Variants in WWP2 observed in about 807,000 individuals in gnomAD.
WWP2 encodes NEDD4-like E3 ubiquitin-protein ligase WWP2.
In WWP2, 57 loss-of-function variants were observed where a neutral mutation model predicts 121.0. The ratio of observed to expected loss-of-function variants is 0.47; its 90% CI spans 0.38 to 0.59. The LOEUF is 0.59. Among genes scored for constraint, WWP2 ranks in the 20% least tolerant of loss-of-function variants. WWP2 has a pLI of 0.00. For missense variants in WWP2, 962 were observed against 1,158.9 expected, an observed-to-expected ratio of 0.83 and a Z score of 2.47; for synonymous variants, 449 against 441.3, an observed-to-expected ratio of 1.02 and a Z score of -0.22.
At chr16:69,812,477 C>CT (rs1178666410) in intron 4 of WWP2, among the ~76,000 whole-genome samples, 89 of 119,580 alleles carry the variant, frequency 7.4e-4, no homozygotes, top group South Asian at 4.9e-3. Flanking sequence ...AACCCCCCCC[C>CT]TTTTTTTTTT....
At chr16:69,906,460 G>A (rs1465877787) in intron 8 of WWP2, among the ~76,000 whole-genome samples, 1 of 152,200 alleles carries the variant, frequency 6.6e-6, no homozygotes, top group African/African-American at 2.4e-5. Flanking sequence ...AAGTGGCAGT[G>A]AGTACAGGTA....
chr16:69,793,115 G>A (rs536511982), intron 2 of WWP2, among the ~76,000 whole-genome samples: 1 of 152,230 alleles, frequency 6.6e-6, no homozygotes, highest in East Asian at 1.9e-4. Flanking sequence ...GAGCACTTTG[G>A]GAGGCCTAGG....
At chr16:69,908,118 G>A (rs1035270271) in intron 8 of WWP2, among the ~76,000 whole-genome samples, 1 of 152,140 alleles carries the variant, frequency 6.6e-6, no homozygotes, top group African/African-American at 2.4e-5. Flanking sequence ...CGTAATGTGT[G>A]CCTGTAGTCC....
chr16:69,808,296 A>C (rs2151827209), intron 4 of WWP2, among the ~76,000 whole-genome samples: 1 of 149,386 alleles, frequency 6.7e-6, no homozygotes, highest in Admixed American at 6.7e-5. Context: ...TAGAGATGGG[A>C]TCTCGCTATA....
chr16:69,771,705 G>GT (rs1200819432), intron 1 of WWP2, among the ~76,000 whole-genome samples: 1 of 152,094 alleles, frequency 6.6e-6, no homozygotes, highest in Non-Finnish European at 1.5e-5. Context: ...CTCTCTGTTT[G>GT]TTTTTATATC....
chr16:69,937,545 C>T lies in WWP2; in HGVS notation c.2239-3C>T, dbSNP rs747632450. 4.3e-5 allele frequency: 70 copies of T among 1,613,838 alleles called. No homozygotes were observed. The stretch of plus-strand genomic sequence containing the variant: ...GGGGATGCTGACTGCCGCCTCTCCC[C>T]AGCTGATGCTGTGCGGCATGCAGGA... On this transcript the variant is annotated splice_region_variant and splice_polypyrimidine_tract_variant and intron_variant, in intron 20 of 23. Transcript: ENST00000359154. This position sits in a 1 kb window ranked among gnomAD's most constrained non-coding sequence, Gnocchi z 6.6.
At chr16:69,834,384 A>C (rs1024458346) in intron 4 of WWP2, among the ~76,000 whole-genome samples, 1 of 151,788 alleles carries the variant, frequency 6.6e-6, no homozygotes, top group African/African-American at 2.4e-5. Context: ...TCTTTGCTCA[A>C]TTGTCACCTT....
At chr16:69,802,507 G>A (rs137868855) in intron 4 of WWP2, among the ~76,000 whole-genome samples, 1 of 152,010 alleles carries the variant, frequency 6.6e-6, no homozygotes, top group African/African-American at 2.4e-5. Context: ...GAACCATACA[G>A]TATTTGTCCT....
chr16:69,792,678 G>A (rs572866213), intron 2 of WWP2, among the ~76,000 whole-genome samples: 5 of 152,234 alleles, frequency 3.3e-5, no homozygotes, highest in South Asian at 2.1e-4. Context: ...AGAGGTACAC[G>A]ACATAACTTA....
chr16:69,880,699 G>A (rs942020963), intron 7 of WWP2, among the ~76,000 whole-genome samples: 1 of 152,170 alleles, frequency 6.6e-6, no homozygotes, highest in Non-Finnish European at 1.5e-5. Context: ...GGTTGCTGTC[G>A]TGAAGAGCCG....
chr16:69,809,392 G>A (rs1181605488), intron 4 of WWP2, among the ~76,000 whole-genome samples: 4 of 152,056 alleles, frequency 2.6e-5, no homozygotes, highest in African/African-American at 7.2e-5. Flanking sequence ...CCCTGTTTCC[G>A]GATGCGAGAC....
chr16:69,917,591 C>T, intron 9 of WWP2, 118 bp from the exon 10 acceptor site: 2 of 1,231,008 alleles, frequency 1.6e-6, no homozygotes, highest in Non-Finnish European at 2.2e-6. Flanking sequence ...ATCAGCTAAG[C>T]CCCAGCAACC....
chr16:69,876,492 G>A (rs550217549), intron 7 of WWP2, among the ~76,000 whole-genome samples: 2 of 151,968 alleles, frequency 1.3e-5, no homozygotes, highest in South Asian at 4.2e-4. Context: ...AGCCTCCAAA[G>A]TAGCTGGGAT....
intron 4 of WWP2, among the ~76,000 whole-genome samples, chr16:69,812,468 A>ACCCCCC (rs747172682): frequency 1.9e-4 from 19 of 101,756 alleles, no homozygotes; most frequent in South Asian, 3.4e-4. Flanking sequence ...CCTGCCCCCA[A>ACCCCCC]CCCCCCCCCT....
intron 16 of WWP2, 73 bp from the exon 17 acceptor site, chr16:69,933,897 A>C: frequency 6.5e-6 from 10 of 1,532,460 alleles, no homozygotes; most frequent in Middle Eastern, 1.7e-4. Flanking sequence ...ACGATGGTGA[A>C]GAGACACAGC....
At chr16:69,813,266 G>C (rs1440647809) in intron 4 of WWP2, among the ~76,000 whole-genome samples, 1 of 151,656 alleles carries the variant, frequency 6.6e-6, no homozygotes, top group African/African-American at 2.4e-5. Flanking sequence ...GGGTTCAAGC[G>C]ATTCTCCTGC....
chr16:69,769,678 C>G (rs555203301), intron 1 of WWP2, among the ~76,000 whole-genome samples: 1 of 152,208 alleles, frequency 6.6e-6, no homozygotes, highest in South Asian at 2.1e-4. Flanking sequence ...TACTGTGTGT[C>G]CTCTGCTTTA....
chr16:69,909,426 G>A, intron 9 of WWP2: 4 of 985,528 alleles, frequency 4.1e-6, no homozygotes, highest in Non-Finnish European at 4.8e-6. Flanking sequence ...GGAGGGAAAG[G>A]CTGTCGGAAG....
At chr16:69,899,865 CAA>C (rs1330807420) in intron 8 of WWP2, among the ~76,000 whole-genome samples, 1 of 150,034 alleles carries the variant, frequency 6.7e-6, no homozygotes, top group African/African-American at 2.5e-5. Flanking sequence ...TGATGAAAAA[CAA>C]TATATAATTT....
Sources: allele counts gnomAD v4.1 joint callset (sites outside exome capture counted in the v4.1 genomes callset), GRCh38; gene constraint gnomAD v4.1.1; non-coding constraint Gnocchi (gnomAD v3.1); transcripts MANE v1.5; gene names NCBI Gene and HGNC (gene_info 2026-07-23, HGNC 2026-07-21).